The following SEMA5A variants were observed in gnomAD, a reference collection of about 807,000 sequenced individuals.
SEMA5A encodes semaphorin 5A.
A neutral mutation model predicts 135.5 loss-of-function variants in SEMA5A; 55 were observed. That is an observed-to-expected ratio of 0.41 (90% confidence interval 0.33 to 0.51). SEMA5A has a LOEUF of 0.51. Among genes scored for constraint, SEMA5A ranks in the 20% least tolerant of loss-of-function variants. The pLI, the probability that SEMA5A is intolerant of heterozygous loss-of-function variation, is 0.37. For missense variants in SEMA5A, 1,290 were observed against 1,419.9 expected, an observed-to-expected ratio of 0.91 and a Z score of 1.47; for synonymous variants, 580 against 546.5, an observed-to-expected ratio of 1.06 and a Z score of -0.85.
chr5:9,381,304 A>G (rs1218157236), intron 2 of SEMA5A, among the ~76,000 whole-genome samples: 1 of 152,216 alleles, frequency 6.6e-6, no homozygotes, highest in Non-Finnish European at 1.5e-5. Context: ...TTCAATGTGA[A>G]TCAAAAGGCA....
intron 8 of SEMA5A, among the ~76,000 whole-genome samples, chr5:9,218,708 G>A (rs117114196): frequency 6.6e-6 from 1 of 152,316 alleles, no homozygotes; most frequent in East Asian, 1.9e-4. Flanking sequence ...GCTGCTAGCT[G>A]AGTGGTGGCC....
At chr5:9,130,798 G>C (rs77633647) in intron 13 of SEMA5A, among the ~76,000 whole-genome samples, 2,856 of 152,246 alleles carry the variant, frequency 0.019, 54 homozygotes, top group Non-Finnish European at 0.025. Flanking sequence ...TGTCACCCCT[G>C]CTTTGGAAAG....
At chr5:9,332,431 C>T (rs778047933) in intron 4 of SEMA5A, among the ~76,000 whole-genome samples, 15 of 151,118 alleles carry the variant, frequency 9.9e-5, no homozygotes, top group Non-Finnish European at 1.8e-4. Context: ...CAGCTTTAGG[C>T]TAGTACTCAC....
chr5:9,383,321 G>A (rs1425574902), intron 2 of SEMA5A, among the ~76,000 whole-genome samples: 6 of 152,178 alleles, frequency 3.9e-5, no homozygotes, highest in Non-Finnish European at 7.4e-5. Context: ...TGTTAGAGGT[G>A]CTTTAGATGT....
intron 5 of SEMA5A, among the ~76,000 whole-genome samples, chr5:9,316,470 T>C (rs952344713): frequency 3.3e-5 from 5 of 152,208 alleles, no homozygotes; most frequent in African/African-American, 1.2e-4. Context: ...TATGTAAATA[T>C]ATGTTTGTGC....
intron 5 of SEMA5A, chr5:9,280,889 T>G (rs1750508494): frequency 2.9e-6 from 1 of 346,174 alleles, no homozygotes; most frequent in South Asian, 2.4e-5. Context: ...TATGTGTATC[T>G]GTGTGTATAC....
At chr5:9,185,591 TA>T (rs1176724641) in intron 11 of SEMA5A, among the ~76,000 whole-genome samples, 2 of 152,178 alleles carry the variant, frequency 1.3e-5, no homozygotes, top group African/African-American at 2.4e-5. Flanking sequence ...ACATTCCTTT[TA>T]AAAAATATAT....
chr5:9,377,210 A>T (rs1200976638), intron 3 of SEMA5A, among the ~76,000 whole-genome samples: 1 of 152,158 alleles, frequency 6.6e-6, no homozygotes, highest in Non-Finnish European at 1.5e-5. Flanking sequence ...AAACAAGTCT[A>T]TATAATTGCC....
chr5:9,443,159 T>G (rs559712828), intron 1 of SEMA5A, among the ~76,000 whole-genome samples: 1 of 152,292 alleles, frequency 6.6e-6, no homozygotes, highest in East Asian at 1.9e-4. Flanking sequence ...ACAGGTGGTC[T>G]CCACAGGAAT....
At chr5:9,428,683 G>T (rs1309016318) in intron 2 of SEMA5A, among the ~76,000 whole-genome samples, 2 of 152,120 alleles carry the variant, frequency 1.3e-5, no homozygotes. Context: ...AAAATGAATG[G>T]CCCCAGCTGG....
chr5:9,325,982 G>A (rs1411952298), intron 4 of SEMA5A, among the ~76,000 whole-genome samples: 2 of 152,250 alleles, frequency 1.3e-5, no homozygotes, highest in Non-Finnish European at 2.9e-5. Context: ...TGACAGAAAC[G>A]TTTGTTGCTG....
chr5:9,459,618 C>T (rs10079862), intron 1 of SEMA5A, among the ~76,000 whole-genome samples: 17,359 of 152,092 alleles, frequency 0.11, 1,238 homozygotes, highest in African/African-American at 0.2. Flanking sequence ...ATTGCAGCCT[C>T]GGAGAAAACT....
chr5:9,259,815 A>T (rs1749304151), intron 5 of SEMA5A, among the ~76,000 whole-genome samples: 1 of 78,242 alleles, frequency 1.3e-5, no homozygotes, highest in African/African-American at 5.0e-5. Context: ...TGACACCCTA[A>T]CATCACAATT....
chr5:9,425,892 G>T (rs550903139), intron 2 of SEMA5A, among the ~76,000 whole-genome samples: 3 of 152,206 alleles, frequency 2.0e-5, no homozygotes, highest in African/African-American at 7.2e-5. Context: ...TATCCACTGG[G>T]CTCAGCCATG....
At chr5:9,113,536 C>G (rs1740354377) in intron 15 of SEMA5A, among the ~76,000 whole-genome samples, 2 of 152,110 alleles carry the variant, frequency 1.3e-5, no homozygotes, top group Admixed American at 1.3e-4. Flanking sequence ...ACAATGTATG[C>G]ATATTTTAAA....
intron 2 of SEMA5A, among the ~76,000 whole-genome samples, chr5:9,396,310 T>C (rs1208123797): frequency 1.3e-5 from 2 of 151,488 alleles, no homozygotes; most frequent in African/African-American, 4.9e-5. Flanking sequence ...ATTATTTATC[T>C]ACTTTGCCTA....
chr5:9,439,539 G>T (rs557750574), intron 1 of SEMA5A, among the ~76,000 whole-genome samples: 21 of 152,254 alleles, frequency 1.4e-4, no homozygotes, highest in African/African-American at 4.8e-4. Flanking sequence ...AGGGCTAATA[G>T]GTCTCCTGCC....
rs1295284881 is a variant in SEMA5A at position 9,367,140 on chromosome 5, C to T, written c.124+12683G>A. 3.3e-5 allele frequency among the ~76,000 whole-genome samples: 5 copies of T among 152,176 alleles called. No individual in the cohort carries two copies. In the East Asian group the frequency reaches 9.6e-4, roughly 29 times the overall value. The stretch of plus-strand genomic sequence containing the variant: ...TATAGTAGACACTGGCAATAAATGA[C>T]TACATTTTAATTTAACTAATTAAAA... On this transcript the variant is annotated intron_variant, in intron 3 of 22. Transcript: ENST00000382496.
chr5:9,308,298 C>T (rs561469040), intron 5 of SEMA5A, among the ~76,000 whole-genome samples: 1 of 152,284 alleles, frequency 6.6e-6, no homozygotes, highest in African/African-American at 2.4e-5. Context: ...AGAGCCACCT[C>T]ACCAGGAAGT....
Sources: gnomAD v4.1 joint callset for allele counts (sites outside exome capture counted in the v4.1 genomes callset) on GRCh38, gnomAD v4.1.1 for gene constraint, MANE v1.5 for transcripts, NCBI Gene and HGNC (gene_info 2026-07-23, HGNC 2026-07-21) for gene names.